Variants in HIPK3 observed in about 807,000 individuals in gnomAD.
The protein encoded by HIPK3 is homeodomain interacting protein kinase 3, also known as homeodomain-interacting protein kinase 3.
Under a neutral mutation model 124.2 loss-of-function variants are expected in HIPK3, and 47 were observed. The ratio of observed to expected loss-of-function variants is 0.38; its 90% confidence interval spans 0.30 to 0.48. The LOEUF (loss-of-function observed/expected upper bound fraction) is 0.48. Ranked by LOEUF, HIPK3 falls within the 20% of genes least tolerant of loss-of-function variation. HIPK3 has a pLI of 0.98. For missense variants in HIPK3, 1,286 were observed against 1,454.3 expected, an observed-to-expected ratio of 0.88 and a Z score of 1.88; for synonymous variants, 482 against 515.2, an observed-to-expected ratio of 0.94 and a Z score of 0.87.
At chr11:33,350,696 G>A (rs1375320500) in intron 14 of HIPK3, among the ~76,000 whole-genome samples, 1 of 151,346 alleles carries the variant, frequency 6.6e-6, no homozygotes, top group East Asian at 1.9e-4. Flanking sequence ...GAAGGAAGGA[G>A]GGGAAGGAAA....
chr11:33,258,653 T>G (rs898046893), intron 1 of HIPK3: 2 of 985,216 alleles, frequency 2.0e-6, no homozygotes, highest in East Asian at 1.1e-4. Flanking sequence ...TGAAAATGTC[T>G]GTTTCTCTGT....
At chr11:33,325,530 T>C (rs1852784255) in intron 2 of HIPK3, among the ~76,000 whole-genome samples, 1 of 152,208 alleles carries the variant, frequency 6.6e-6, no homozygotes, top group African/African-American at 2.4e-5. Context: ...CTTTGAATCT[T>C]TTTTAGTATA....
chr11:33,287,359 T>G lies in HIPK3; in HGVS notation c.945T>G (p.Ser315Arg). 6.2e-7 allele frequency: 1 copy of G among 1,614,152 alleles called. No homozygotes were observed. The highest frequency in any genetic ancestry group is 8.5e-7 in the Non-Finnish European group (1 of 1,180,018). ...QVATALKKLK[S>R]LGLIHADLKP... Reference sequence around the variant, plus strand: ...CCACTGCACTGAAAAAATTGAAAAGTCTTGGTTTAATTCATGCTGATCTCA... The same window carrying G: ...CCACTGCACTGAAAAAATTGAAAAGGCTTGGTTTAATTCATGCTGATCTCA... Residue 315 changes from serine to arginine, a missense_variant, in exon 2 of 17, where the codon AGT (serine) becomes AGG (arginine). Coordinates refer to ENST00000303296, the MANE Select transcript of HIPK3 (RefSeq NM_005734.5).
In HIPK3 at chr11:33,347,985, A is replaced by T. The variant is rs779984421; in HGVS notation, c.2278A>T (p.Thr760Ser). 6.2e-7 allele frequency: 1 copy of T among 1,614,202 alleles called. No homozygotes were observed. Among genetic ancestry groups the T allele is most frequent in the Non-Finnish European group, 8.5e-7 (1 of 1,180,024 alleles). ...AHVVWPQPAT[T>S]KKNKQCQNRG... ...TGTTGTCTGGCCTCAGCCTGCCACT[A>T]CCAAGAAAAATAAACAGTGCCAGAA... Residue 760 changes from threonine (T) to serine (S), a missense_variant, in exon 11 of 17, where the codon ACC (threonine) becomes TCC (serine). By Grantham distance (58) the Thr-to-Ser change is moderately conservative. Coordinates refer to ENST00000303296, the MANE Select transcript of HIPK3 (RefSeq NM_005734.5).
chr11:33,330,977 A>G (rs979899199), intron 3 of HIPK3, among the ~76,000 whole-genome samples: 1 of 151,602 alleles, frequency 6.6e-6, no homozygotes, highest in African/African-American at 2.4e-5. Context: ...TCCGCCTCAT[A>G]GGTTCAAGCA....
chr11:33,295,837 G>A (rs1323041110), intron 2 of HIPK3, among the ~76,000 whole-genome samples: 1 of 152,192 alleles, frequency 6.6e-6, no homozygotes, highest in East Asian at 1.9e-4. Flanking sequence ...GGTTGAGGTG[G>A]TGTAACTGCC....
intron 1 of HIPK3, among the ~76,000 whole-genome samples, chr11:33,268,591 CAAAAAA>C (rs35408664): frequency 3.6e-4 from 27 of 76,024 alleles, no homozygotes; most frequent in African/African-American, 1.2e-3. Flanking sequence ...ACTCCGTCAC[CAAAAAA>C]AAAAAAAAAA....
intron 2 of HIPK3, among the ~76,000 whole-genome samples, chr11:33,312,074 G>T (rs1852366492): frequency 6.6e-6 from 1 of 152,190 alleles, no homozygotes; most frequent in South Asian, 2.1e-4. Flanking sequence ...TGCCCAGGAT[G>T]GTCTTGAACT....
At chr11:33,309,345 C>G (rs1181512739) in intron 2 of HIPK3, among the ~76,000 whole-genome samples, 1 of 152,148 alleles carries the variant, frequency 6.6e-6, no homozygotes. Flanking sequence ...CAACTTGTGG[C>G]CTCAAGTGAT....
intron 2 of HIPK3, among the ~76,000 whole-genome samples, chr11:33,315,866 C>A (rs989817585): frequency 6.6e-6 from 1 of 152,100 alleles, no homozygotes; most frequent in South Asian, 2.1e-4. Context: ...TGTTGTTATT[C>A]TTTGTACTTG....
rs369816213 is a variant in HIPK3, at chr11:33,353,520, T to G, written c.3600T>G (p.Thr1200=). ...ACATTGCAGCATCACCTGCATATAC[T>G]GGATTTCCACTGAGTCCAACAAAAC... is the stretch of plus-strand genomic sequence containing the variant. ...HSYIAASPAY[T]GFPLSPTKLS... is the part of the protein sequence containing the mutation. The change falls in exon 17 of 17, where the codon ACT becomes ACG. Residue 1200 remains threonine, a synonymous_variant. Coordinates refer to ENST00000303296, the MANE Select transcript of HIPK3 (RefSeq NM_005734.5). The G allele has an allele frequency of 6.8e-6, 11 of 1,613,884 alleles. No homozygotes were observed. Among genetic ancestry groups the G allele is most frequent in the African/African-American group, 4.0e-5 (3 of 74,912 alleles).
intron 2 of HIPK3, among the ~76,000 whole-genome samples, chr11:33,320,915 T>C (rs1441898702): frequency 6.6e-6 from 1 of 152,052 alleles, no homozygotes; most frequent in Admixed American, 6.5e-5. Flanking sequence ...AGGTCTGAGT[T>C]GGAGATGTAC....
chr11:33,299,480 A>G (rs933725500), intron 2 of HIPK3, among the ~76,000 whole-genome samples: 13 of 152,012 alleles, frequency 8.6e-5, no homozygotes, highest in African/African-American at 3.1e-4. Flanking sequence ...CTCAAAAAAA[A>G]AAGAAAAGAA....
chr11:33,355,785 G>GT lies in HIPK3; in HGVS notation c.*2220dup, dbSNP rs1398233138. The GT allele has an allele frequency of 6.6e-6, 1 of 151,698 alleles. No individual in the cohort carries two copies. Among genetic ancestry groups the GT allele is most frequent in the Non-Finnish European group, 1.5e-5 (1 of 67,836 alleles). 9.4% of individuals were successfully genotyped at this position (151,698 alleles called of 1,614,324 possible). ...ATGAAGGACTTAATTTTCCCCACAA[G>GT]TTTCAGTGTTTTTAGTAATTAATTC... On this transcript the variant is annotated 3_prime_UTR_variant, in exon 17 of 17. Transcript: ENST00000303296.
intron 8 of HIPK3, among the ~76,000 whole-genome samples, chr11:33,342,222 CTG>C (rs987968362): frequency 2.6e-5 from 4 of 151,144 alleles, no homozygotes; most frequent in African/African-American, 9.7e-5. Flanking sequence ...CATATGATAA[CTG>C]TATTTCCTGT....
chr11:33,257,623 C>G lies in HIPK3; in HGVS notation c.-269C>G. 1.0e-6 allele frequency: 1 copy of G among 988,650 alleles called. No individual in the cohort carries two copies. The highest frequency in any genetic ancestry group is 1.2e-6 in the Non-Finnish European group (1 of 831,940). 61.2% of individuals were successfully genotyped at this position (988,650 alleles called of 1,614,324 possible). ...CCAAGCCGTCCCCACCCCAAATCCCCGGGAAGGAAGATGAGGGAGACGGGC... is the reference window on the plus strand; with the variant it reads ...CCAAGCCGTCCCCACCCCAAATCCCGGGGAAGGAAGATGAGGGAGACGGGC... On this transcript the variant is annotated 5_prime_UTR_variant, in exon 1 of 17. Transcript: ENST00000303296.
At chr11:33,301,347 C>T (rs1286628476) in intron 2 of HIPK3, among the ~76,000 whole-genome samples, 1 of 152,130 alleles carries the variant, frequency 6.6e-6, no homozygotes, top group Non-Finnish European at 1.5e-5. Flanking sequence ...CCCCAAACTC[C>T]TTCTCTCCCA....
At chr11:33,349,358 G>T in intron 14 of HIPK3, 71 bp downstream of exon 14, 1 of 1,278,952 alleles carries the variant, frequency 7.8e-7, no homozygotes, top group Non-Finnish European at 1.1e-6. Flanking sequence ...TCTTTCTGTT[G>T]TTTAATAAGT....
At chr11:33,267,834 G>T (rs1292971486) in intron 1 of HIPK3, among the ~76,000 whole-genome samples, 1 of 152,210 alleles carries the variant, frequency 6.6e-6, no homozygotes, top group African/African-American at 2.4e-5. Context: ...TAACTTAAAA[G>T]TGTTTAACTT....
Sources: allele counts gnomAD v4.1 joint callset (sites outside exome capture counted in the v4.1 genomes callset), GRCh38; gene constraint gnomAD v4.1.1; transcripts MANE v1.5; gene names NCBI Gene and HGNC (gene_info 2026-07-23, HGNC 2026-07-21).